SLC38A9: variants seen among roughly 807,000 people sequenced by gnomAD.
SLC38A9 encodes neutral amino acid transporter 9.
SLC38A9 carries 48 observed loss-of-function variants against 62.3 expected under a neutral mutation model. The ratio of observed to expected loss-of-function variants is 0.77; its 90% CI spans 0.61 to 0.98. The LOEUF is 0.98. SLC38A9 is among the 50% of genes least tolerant of loss of function. The pLI is 0.00. For missense variants in SLC38A9, 541 were observed against 679.8 expected, an observed-to-expected ratio of 0.80 and a Z score of 2.27; for synonymous variants, 204 against 227.7, an observed-to-expected ratio of 0.90 and a Z score of 0.94.
At chr5:55,663,592 G>A (rs1274860952) in intron 8 of SLC38A9, among the ~76,000 whole-genome samples, 1 of 151,968 alleles carries the variant, frequency 6.6e-6, no homozygotes, top group Non-Finnish European at 1.5e-5. Flanking sequence ...AATTAGCTGA[G>A]TGTTACCGCG....
At chr5:55,692,817 C>T (rs758358782) in intron 3 of SLC38A9, 42 of 984,550 alleles carry the variant, frequency 4.3e-5, no homozygotes, top group Non-Finnish European at 5.1e-5. Flanking sequence ...AAACCCTGAG[C>T]ATTCAAGTCA....
At chr5:55,629,374 C>T (rs1743023421) in intron 14 of SLC38A9, among the ~76,000 whole-genome samples, 2 of 152,040 alleles carry the variant, frequency 1.3e-5, no homozygotes, top group South Asian at 4.2e-4. Context: ...AACACCCATG[C>T]TTTCTATACT....
chr5:55,632,313 C>T (rs1743609226), intron 14 of SLC38A9, among the ~76,000 whole-genome samples: 1 of 152,088 alleles, frequency 6.6e-6, no homozygotes, highest in Non-Finnish European at 1.5e-5. Context: ...TGGTGGGCGC[C>T]TGTAGTCCCA....
In SLC38A9 at chr5:55,626,452, CA is replaced by C. The variant is rs751818960; in HGVS notation, c.*41del. ...TTTATATAGAACTGTTGTCAAGGCT[CA>C]AAATATCATGAGAGCTCTTGAAAAA... is the stretch of plus-strand genomic sequence containing the variant. On this transcript the variant is annotated 3_prime_UTR_variant, in exon 16 of 16. Coordinates refer to ENST00000396865, the MANE Select transcript of SLC38A9 (RefSeq NM_173514.4). 7 of 1,544,372 alleles carry C rather than the reference CA, an allele frequency of 4.5e-6. No homozygotes were observed. Among genetic ancestry groups the C allele is most frequent in the Non-Finnish European group, 5.3e-6 (6 of 1,131,636 alleles).
At chr5:55,675,635 G>A (rs1399624637) in intron 3 of SLC38A9, among the ~76,000 whole-genome samples, 1 of 152,024 alleles carries the variant, frequency 6.6e-6, no homozygotes, top group Admixed American at 6.5e-5. Context: ...TAGTTCAGCT[G>A]TGCCACACTA....
intron 2 of SLC38A9, among the ~76,000 whole-genome samples, chr5:55,699,149 A>G (rs4101422): frequency 0.6 from 90,624 of 151,382 alleles, 27,650 homozygotes; most frequent in South Asian, 0.7. Flanking sequence ...CAGTTACTTG[A>G]AAGGCTGAGG....
intron 2 of SLC38A9, among the ~76,000 whole-genome samples, chr5:55,704,916 C>G (rs1757096571): frequency 6.6e-6 from 1 of 152,080 alleles, no homozygotes; most frequent in Non-Finnish European, 1.5e-5. Flanking sequence ...AAATACTAGT[C>G]TTACAGGGTT....
At chr5:55,628,826 A>C (rs1742930797) in intron 14 of SLC38A9, among the ~76,000 whole-genome samples, 1 of 152,220 alleles carries the variant, frequency 6.6e-6, no homozygotes, top group African/African-American at 2.4e-5. Flanking sequence ...ACAAACAAAA[A>C]TAATGTAGAT....
chr5:55,641,770 T>C (rs1222958561), intron 12 of SLC38A9, among the ~76,000 whole-genome samples: 2 of 152,222 alleles, frequency 1.3e-5, no homozygotes, highest in South Asian at 2.1e-4. Context: ...TGACCAGTCA[T>C]TGACAGACTT....
At chr5:55,647,833 A>G (rs749318642) in intron 11 of SLC38A9, among the ~76,000 whole-genome samples, 1 of 152,220 alleles carries the variant, frequency 6.6e-6, no homozygotes, top group African/African-American at 2.4e-5. Flanking sequence ...TGTTTCACCT[A>G]CTTGAAGTGT....
At chr5:55,658,283 AG>A (rs1748827034) in intron 8 of SLC38A9, among the ~76,000 whole-genome samples, 1 of 152,110 alleles carries the variant, frequency 6.6e-6, no homozygotes, top group Non-Finnish European at 1.5e-5. Flanking sequence ...CCTCCCGAGT[AG>A]CTGGGATTAC....
chr5:55,639,723 C>T (rs1181879676), intron 12 of SLC38A9, among the ~76,000 whole-genome samples: 1 of 151,936 alleles, frequency 6.6e-6, no homozygotes, highest in Admixed American at 6.6e-5. Context: ...GAATATAGTA[C>T]CCATTTAGGT....
intron 2 of SLC38A9, among the ~76,000 whole-genome samples, chr5:55,705,439 C>CAAAAAAAAAAA (rs67490309): frequency 3.2e-5 from 4 of 125,576 alleles, no homozygotes; most frequent in Admixed American, 8.2e-5. Flanking sequence ...CTTCATATTA[C>CAAAAAAAAAAA]AAAAAAAAAA....
In SLC38A9 at chr5:55,626,091, G is replaced by C. The variant is rs1742380329; in HGVS notation, c.*403C>G. On this transcript the variant is annotated 3_prime_UTR_variant, in exon 16 of 16. Transcript: ENST00000396865. Reference sequence around the variant, plus strand: ...TGGTCTAGTAAGTAAGAAAATGAAAGTGAATACACTGAAACATAAAACAGA... The same window carrying C: ...TGGTCTAGTAAGTAAGAAAATGAAACTGAATACACTGAAACATAAAACAGA... The C allele has an allele frequency of 6.3e-6, 1 of 157,844 alleles. No individual in the cohort carries two copies. The highest frequency in any genetic ancestry group is 1.8e-4 in the East Asian group (1 of 5,428). The allele number at this position is 157,844 out of a possible 1,614,324, so 9.8% of individuals were successfully genotyped here. A position where few individuals can be genotyped will look rare whatever the true frequency, so the allele number is the denominator to read the frequency against.
intron 2 of SLC38A9, among the ~76,000 whole-genome samples, chr5:55,709,541 C>T (rs1365354229): frequency 1.3e-5 from 2 of 151,412 alleles, no homozygotes; most frequent in Non-Finnish European, 2.9e-5. Context: ...ATGACAGTGC[C>T]ACTGCACTAA....
intron 3 of SLC38A9, among the ~76,000 whole-genome samples, chr5:55,687,177 C>T (rs1295463391): frequency 6.6e-5 from 10 of 150,758 alleles, no homozygotes; most frequent in Admixed American, 2.0e-4. Context: ...CGGTGGCTCA[C>T]GCCTGTAATC....
chr5:55,686,246 G>GT (rs1753804357), intron 3 of SLC38A9, among the ~76,000 whole-genome samples: 1 of 152,148 alleles, frequency 6.6e-6, no homozygotes, highest in South Asian at 2.1e-4. Context: ...CCCACCAACA[G>GT]TGTATAAGCC....
chr5:55,632,462 AC>A (rs1743650057), intron 14 of SLC38A9, among the ~76,000 whole-genome samples: 2 of 149,956 alleles, frequency 1.3e-5, no homozygotes, highest in Admixed American at 6.6e-5. Context: ...AACAACAACA[AC>A]AACAAAAACT....
At position 55,681,095 on chromosome 5, in the gene SLC38A9, TAA is replaced by T. The variant is rs1752936949; in HGVS notation, c.114-8402_114-8401del. Among the ~76,000 whole-genome samples the T allele has an allele frequency of 3.9e-5, 6 of 152,332 alleles. No homozygotes were observed. The South Asian group carries it at 1.2e-3, about 32-fold the overall frequency. The stretch of plus-strand genomic sequence containing the variant: ...CTGTCACACATTGCTAGTAGAAGTA[TAA>T]GTTGGCACAATCTTTCTAGAAAGCA... On this transcript the variant is annotated intron_variant, in intron 3 of 15. Transcript: ENST00000396865.
Sources: allele counts gnomAD v4.1 joint callset (sites outside exome capture counted in the v4.1 genomes callset), GRCh38; gene constraint gnomAD v4.1.1; transcripts MANE v1.5; gene names NCBI Gene and HGNC (gene_info 2026-07-23, HGNC 2026-07-21).